The following GRM5 variants were observed in gnomAD, a reference collection of about 807,000 sequenced individuals.
GRM5 encodes the protein glutamate metabotropic receptor 5, also known as metabotropic glutamate receptor 5.
Under a neutral mutation model 83.1 loss-of-function variants are expected in GRM5, and 19 were observed. The observed-to-expected ratio is 0.23, with a 90% CI of 0.16 to 0.34. The LOEUF (loss-of-function observed/expected upper bound fraction) is 0.34. GRM5 is among the 10% of genes least tolerant of loss of function. The pLI is 1.00. For missense variants in GRM5, 1,160 were observed against 1,588.3 expected (o/e 0.73, Z 4.58); for synonymous variants, 675 against 633.6 (o/e 1.07, Z -0.98).
intron 2 of GRM5, among the ~76,000 whole-genome samples, chr11:88,969,132 A>G (rs1158040439): frequency 6.6e-6 from 1 of 152,112 alleles, no homozygotes; most frequent in Non-Finnish European, 1.5e-5. Context: ...AGTGGATAAT[A>G]TAAGAATGCA....
intron 2 of GRM5, among the ~76,000 whole-genome samples, chr11:88,867,149 A>T (rs1944684483): frequency 6.6e-6 from 1 of 151,920 alleles, no homozygotes. Context: ...TGATGCCTCC[A>T]GCGTTGTTCT....
At position 88,567,100 on chromosome 11, in the gene GRM5, G is replaced by GATGCTGGAT; in HGVS notation, c.2582_2583insATCCAGCAT (p.Ser861delinsArgSerSerIle). ...CCCTTCTCTTCCACAGGTTGACTAG[G>GATGCTGGAT]CTGCTGGATCTGCTGGCTGCGGAGG... On this transcript the variant is annotated protein_altering_variant, in exon 8 of 10. Transcript: ENST00000305447. This position sits in a 1 kb window ranked among gnomAD's most constrained non-coding sequence, Gnocchi z 7.3. 6.2e-7 allele frequency: 1 copy of GATGCTGGAT among 1,613,870 alleles called. No homozygotes were observed. The highest frequency in any genetic ancestry group is 8.5e-7 in the Non-Finnish European group (1 of 1,179,854).
At chr11:89,007,506 T>C (rs1940563248) in intron 2 of GRM5, among the ~76,000 whole-genome samples, 1 of 152,202 alleles carries the variant, frequency 6.6e-6, no homozygotes. Context: ...ATTTTATGTT[T>C]AGGGTTTTTA....
chr11:88,649,441 T>C (rs1371105254), intron 4 of GRM5, among the ~76,000 whole-genome samples: 1 of 144,160 alleles, frequency 6.9e-6, no homozygotes, highest in Non-Finnish European at 1.5e-5. Context: ...ACATTTATTA[T>C]GTATTATATA....
intron 1 of GRM5, among the ~76,000 whole-genome samples, chr11:89,056,031 G>A (rs1396852033): frequency 6.6e-6 from 1 of 152,058 alleles, no homozygotes; most frequent in Non-Finnish European, 1.5e-5. Flanking sequence ...CAGTTGCATG[G>A]CATTCAATTA....
intron 7 of GRM5, among the ~76,000 whole-genome samples, chr11:88,577,285 A>T (rs1943132451): frequency 6.6e-6 from 1 of 152,114 alleles, no homozygotes; most frequent in Non-Finnish European, 1.5e-5. Flanking sequence ...CAGTTGAGCT[A>T]TGGGCATACA....
chr11:88,653,526 T>C, intron 3 of GRM5, 123 bp from the exon 4 acceptor site: 1 of 616,974 alleles, frequency 1.6e-6, no homozygotes, highest in Non-Finnish European at 2.9e-6. Flanking sequence ...GATGGTCCTA[T>C]ATTACACCGA....
In GRM5 at chr11:88,522,603, C is replaced by G. The variant is rs12363737; in HGVS notation, c.2726+2706G>C. On this transcript the variant is annotated intron_variant, in intron 9 of 9. Coordinates refer to ENST00000305447, the MANE Select transcript of GRM5 (RefSeq NM_001143831.3). Reference sequence around the variant, plus strand: ...TCTCTCTCTCGCTCTCTCTCTCTCTCTGTGTGTGTGTGTGTGTGTGTGTGT... The same window carrying G: ...TCTCTCTCTCGCTCTCTCTCTCTCTGTGTGTGTGTGTGTGTGTGTGTGTGT... Among the ~76,000 whole-genome samples, 2,338 of 127,290 alleles carry G rather than the reference C, an allele frequency of 0.018. 143 individuals are homozygous for G. The East Asian group carries it at 0.19, about 11-fold the overall frequency. 83.5% of individuals were successfully genotyped at this position (127,290 alleles called of 152,430 possible).
intron 3 of GRM5, among the ~76,000 whole-genome samples, chr11:88,752,407 A>G (rs1395587581): frequency 6.6e-6 from 1 of 152,192 alleles, no homozygotes; most frequent in African/African-American, 2.4e-5. Flanking sequence ...GAAGTGAAGG[A>G]CCTCTTCAAG....
chr11:88,571,516 A>G (rs1428683944), intron 7 of GRM5, among the ~76,000 whole-genome samples: 1 of 152,150 alleles, frequency 6.6e-6, no homozygotes, highest in Non-Finnish European at 1.5e-5. Context: ...TAGAGTTTCC[A>G]AAAAATGGAT....
At chr11:89,036,856 C>T (rs183616548) in intron 2 of GRM5, among the ~76,000 whole-genome samples, 3,825 of 152,188 alleles carry the variant, frequency 0.025, 165 homozygotes, top group African/African-American at 0.088. Context: ...CATTAAACTA[C>T]TTTTATAATA....
intron 2 of GRM5, among the ~76,000 whole-genome samples, chr11:88,930,024 C>T (rs932794403): frequency 2.7e-4 from 41 of 152,068 alleles, no homozygotes; most frequent in African/African-American, 9.9e-4. Context: ...TGTCATCTCT[C>T]CAAACGTTTT....
At chr11:88,600,293 A>G (rs920607585) in intron 5 of GRM5, among the ~76,000 whole-genome samples, 1 of 42,838 alleles carries the variant, frequency 2.3e-5, no homozygotes, top group South Asian at 1.1e-3. Context: ...CCTCTCCCCC[A>G]CCCCTTCCCC....
At position 88,509,193 on chromosome 11, in the gene GRM5, G is replaced by A. The variant is rs1941283360; in HGVS notation, c.3038C>T (p.Pro1013Leu). Residue 1013 changes from proline (P) to leucine (L), a missense_variant, in exon 10 of 10, where the codon CCC (proline) becomes CTC (leucine). Physicochemically the swap from Pro to Leu is moderately conservative, Grantham distance 98. This residue lies in a region of GRM5 where 562 missense variants were observed against 532.4 expected (regional missense o/e 1.06). Transcript: ENST00000305447. ...GGGCGACGGTGAGCGCGGCCGCGCG[G>A]GCGCCGGGAAGTGCTCCTCAGCCTC... Reference protein sequence around the residue: ...VAEAEEHFPAPARPRSPSPIS... With the variant: ...VAEAEEHFPALARPRSPSPIS... 5 of 1,534,208 alleles carry A rather than the reference G, an allele frequency of 3.3e-6. No individual in the cohort carries two copies. In the East Asian group the frequency reaches 1.3e-4, roughly 39 times the overall value.
At chr11:88,848,780 C>T (rs1480758530) in intron 3 of GRM5, among the ~76,000 whole-genome samples, 1 of 152,134 alleles carries the variant, frequency 6.6e-6, no homozygotes, top group South Asian at 2.1e-4. Context: ...ATTAATCTGC[C>T]TGTGTCTGTG....
intron 4 of GRM5, among the ~76,000 whole-genome samples, chr11:88,619,266 A>G (rs1938567634): frequency 6.6e-6 from 1 of 152,240 alleles, no homozygotes. Flanking sequence ...GAGATTTCAG[A>G]GAGCATCTAC....
chr11:88,859,609 A>G (rs746748807), intron 2 of GRM5, among the ~76,000 whole-genome samples: 29 of 152,156 alleles, frequency 1.9e-4, no homozygotes, highest in Non-Finnish European at 2.5e-4. Context: ...AGTAAATAGA[A>G]GAGCTGAAAT....
At chr11:88,963,131 G>A (rs1938835916) in intron 2 of GRM5, among the ~76,000 whole-genome samples, 2 of 152,026 alleles carry the variant, frequency 1.3e-5, no homozygotes, top group South Asian at 2.1e-4. Flanking sequence ...ACTTACCAAA[G>A]GAGGTGATAT....
intron 3 of GRM5, among the ~76,000 whole-genome samples, chr11:88,763,158 C>T (rs1427577901): frequency 2.0e-5 from 3 of 151,760 alleles, no homozygotes; most frequent in Admixed American, 6.6e-5. Flanking sequence ...TGCACATGTA[C>T]CCCTGAACCT....
Sources: allele counts gnomAD v4.1 joint callset (sites outside exome capture counted in the v4.1 genomes callset), GRCh38; gene constraint gnomAD v4.1.1; regional missense constraint gnomAD v4.1.1; non-coding constraint Gnocchi (gnomAD v3.1); transcripts MANE v1.5; gene names NCBI Gene and HGNC (gene_info 2026-07-23, HGNC 2026-07-21).